NMNAT3: variants seen among roughly 807,000 people sequenced by gnomAD.
NMNAT3 encodes the protein nicotinamide nucleotide adenylyltransferase 3.
NMNAT3 carries 21 observed loss-of-function variants against 24.8 expected under a neutral mutation model. The ratio of observed to expected loss-of-function variants is 0.85; its 90% confidence interval spans 0.60 to 1.22. The LOEUF (loss-of-function observed/expected upper bound fraction) is 1.22. Among genes scored for constraint, NMNAT3 ranks in the 50% most tolerant of loss-of-function variants. The pLI is 0.00. For missense variants in NMNAT3, 387 were observed against 436.6 expected (o/e 0.89, Z 1.01); for synonymous variants, 136 against 155.2 (o/e 0.88, Z 0.92).
intron 3 of NMNAT3, among the ~76,000 whole-genome samples, chr3:139,591,978 T>C (rs957971935): frequency 3.9e-5 from 6 of 152,180 alleles, no homozygotes; most frequent in African/African-American, 1.4e-4. Flanking sequence ...AGAATGACTT[T>C]GACGAGCTGA....
chr3:139,594,920 C>G (rs918128493), intron 3 of NMNAT3, among the ~76,000 whole-genome samples: 1 of 152,168 alleles, frequency 6.6e-6, no homozygotes, highest in Non-Finnish European at 1.5e-5. Flanking sequence ...GATGCCCTCT[C>G]TCACCACTCC....
chr3:139,570,346 C>T (rs1180549958), intron 6 of NMNAT3: 1 of 152,266 alleles, frequency 6.6e-6, no homozygotes, highest in African/African-American at 2.4e-5. Context: ...CTCAACTCGT[C>T]AAAGTCATTC....
chr3:139,562,234 A>C (rs1422428985), intron 6 of NMNAT3, among the ~76,000 whole-genome samples: 1 of 152,200 alleles, frequency 6.6e-6, no homozygotes, highest in African/African-American at 2.4e-5. Context: ...TCAGGTGTCA[A>C]ACCCAGGCAG....
At chr3:139,608,288 G>C (rs1196109807) in intron 3 of NMNAT3, among the ~76,000 whole-genome samples, 1 of 151,620 alleles carries the variant, frequency 6.6e-6, no homozygotes, top group Non-Finnish European at 1.5e-5. Flanking sequence ...AGTTGCCAAG[G>C]ATGAGGGCAC....
chr3:139,568,728 C>A (rs552539903), intron 6 of NMNAT3: 103 of 152,282 alleles, frequency 6.8e-4, no homozygotes, highest in African/African-American at 1.9e-3. Flanking sequence ...AATTTCTGTT[C>A]TTTTACATTT....
At chr3:139,631,586 G>A (rs936578348) in intron 2 of NMNAT3, among the ~76,000 whole-genome samples, 1 of 152,164 alleles carries the variant, frequency 6.6e-6, no homozygotes, top group African/African-American at 2.4e-5. Flanking sequence ...TGGTGTACAG[G>A]CTTGTTGGAA....
At chr3:139,674,649 G>A (rs1191442755) in intron 1 of NMNAT3, among the ~76,000 whole-genome samples, 5 of 152,090 alleles carry the variant, frequency 3.3e-5, no homozygotes, top group Non-Finnish European at 7.4e-5. Flanking sequence ...TTTAAGTAAC[G>A]AATGAAATGC....
intron 1 of NMNAT3, among the ~76,000 whole-genome samples, chr3:139,675,178 T>C (rs1164373885): frequency 2.6e-5 from 2 of 78,298 alleles, no homozygotes; most frequent in Non-Finnish European, 5.8e-5. Flanking sequence ...ACATATACCA[T>C]GAAAAATCTG....
intron 1 of NMNAT3, among the ~76,000 whole-genome samples, chr3:139,656,041 AAT>A (rs1233431368): frequency 1.3e-5 from 2 of 152,242 alleles, no homozygotes; most frequent in African/African-American, 4.8e-5. Context: ...AATGTTTGGT[AAT>A]ATGACTGGAA....
At chr3:139,663,123 C>G (rs1413297024) in intron 1 of NMNAT3, among the ~76,000 whole-genome samples, 1 of 152,180 alleles carries the variant, frequency 6.6e-6, no homozygotes, top group Non-Finnish European at 1.5e-5. Flanking sequence ...TCTGGAGGCT[C>G]TGGGGGAGAA....
Position 139,627,668 on chromosome 3 carries a change from G to C in NMNAT3, c.57C>G (p.Thr19=). 1 of 1,596,192 alleles carries C rather than the reference G, an allele frequency of 6.3e-7. No homozygotes were observed. The highest frequency in any genetic ancestry group is 8.5e-7 in the Non-Finnish European group (1 of 1,178,476). ...CCTCAAACATGCGCAGGTGCATGTTGGTGATGGGGTTAAAGGAGCCACAGG... is the reference window on the plus strand; with the variant it reads ...CCTCAAACATGCGCAGGTGCATGTTCGTGATGGGGTTAAAGGAGCCACAGG... Residue 19 remains threonine (T), a synonymous_variant, in exon 3 of 7, where the codon ACC becomes ACG. Transcript: ENST00000643695.
intron 1 of NMNAT3, among the ~76,000 whole-genome samples, chr3:139,651,536 T>C (rs2057055963): frequency 6.6e-6 from 1 of 152,232 alleles, no homozygotes; most frequent in African/African-American, 2.4e-5. Flanking sequence ...ACAATACTGC[T>C]GACCCACTGC....
chr3:139,642,267 G>C (rs1005556430), intron 1 of NMNAT3, among the ~76,000 whole-genome samples: 19 of 152,206 alleles, frequency 1.2e-4, no homozygotes, highest in African/African-American at 2.9e-4. Context: ...GTGTTCAGTG[G>C]CGTGTGGCCC....
At chr3:139,627,485 A>C in intron 3 of NMNAT3, 131 bp downstream of exon 4, 1 of 571,466 alleles carries the variant, frequency 1.7e-6, no homozygotes, top group African/African-American at 1.9e-5. Context: ...GAATATGATG[A>C]AAAAAATATG....
intron 1 of NMNAT3, among the ~76,000 whole-genome samples, chr3:139,673,818 G>T (rs550495515): frequency 1.3e-5 from 2 of 152,154 alleles, no homozygotes; most frequent in Admixed American, 6.5e-5. Context: ...GAAACAACGT[G>T]CCAGGCATGG....
At chr3:139,669,922 C>T (rs1352761029) in intron 1 of NMNAT3, among the ~76,000 whole-genome samples, 1 of 152,168 alleles carries the variant, frequency 6.6e-6, no homozygotes, top group Non-Finnish European at 1.5e-5. Flanking sequence ...CACACTCAAG[C>T]CTTCCTTTAA....
chr3:139,596,960 ATATATT>A (rs1406887062), intron 3 of NMNAT3, among the ~76,000 whole-genome samples: 21 of 102,684 alleles, frequency 2.0e-4, no homozygotes, highest in Non-Finnish European at 3.1e-4. Flanking sequence ...ATATATATAT[ATATATT>A]TTTATTACAT....
rs58495559 is a variant in NMNAT3 at position 139,582,639 on chromosome 3, CAAAAAAAAAAA to C, written c.391+277_391+287del. Among the ~76,000 whole-genome samples, 391 of 57,506 alleles carry C rather than the reference CAAAAAAAAAAA, an allele frequency of 6.8e-3. 2 individuals carry two copies. Among genetic ancestry groups the C allele is most frequent in the African/African-American group, 0.029 (354 of 12,408 alleles). 37.7% of individuals were successfully genotyped at this position (57,506 alleles called of 152,430 possible). Reference sequence around the variant, plus strand: ...CCTGGGCAACAGAGTGGGACTGTCTCAAAAAAAAAAAAAAAAAAAAAAAAAGAAAAGAAAAT... The same window carrying C: ...CCTGGGCAACAGAGTGGGACTGTCTCAAAAAAAAAAAAAAGAAAAGAAAAT... On this transcript the variant is annotated intron_variant, in intron 4 of 6. Coordinates refer to ENST00000643695, the MANE Select transcript of NMNAT3 (RefSeq NM_001320510.2).
At chr3:139,618,868 T>C (rs2055631508) in intron 3 of NMNAT3, among the ~76,000 whole-genome samples, 1 of 152,142 alleles carries the variant, frequency 6.6e-6, no homozygotes, top group Non-Finnish European at 1.5e-5. Context: ...CTCCACATAC[T>C]CTCATGGTGG....
Sources: gnomAD v4.1 joint callset for allele counts (sites outside exome capture counted in the v4.1 genomes callset) on GRCh38, gnomAD v4.1.1 for gene constraint, MANE v1.5 for transcripts, NCBI Gene and HGNC (gene_info 2026-07-23, HGNC 2026-07-21) for gene names.